The following THOP1 variants were observed in gnomAD, a reference collection of about 807,000 sequenced individuals.
THOP1 encodes the protein thimet oligopeptidase.
In THOP1, 49 loss-of-function variants were observed where a neutral mutation model predicts 71.8. The observed-to-expected ratio is 0.68, with a 90% CI of 0.54 to 0.87. The LOEUF (loss-of-function observed/expected upper bound fraction) is 0.87, where lower values mean the gene tolerates loss of function less well. THOP1 is among the 40% of genes least tolerant of loss of function. The probability of loss-of-function intolerance (pLI) is 0.00; values close to 1 mark genes in which losing one functional copy is unlikely to be tolerated. For synonymous variants in THOP1, 426 were observed against 421.5 expected (o/e 1.01, Z -0.13); for missense variants, 843 against 975.6 (o/e 0.86, Z 1.81).
Position 2,805,051 on chromosome 19 carries a change from A to G in THOP1, c.625A>G (p.Lys209Glu). ...LPEDFLNSLE[K>E]MEDGKLKVTL... Reference sequence around the variant, plus strand: ...CGAGGACTTTCTGAACTCCCTGGAGAAGATGGAGGACGGCAAGTTGAAGGT... The same window carrying G: ...CGAGGACTTTCTGAACTCCCTGGAGGAGATGGAGGACGGCAAGTTGAAGGT... The change falls in exon 6 of 13, where the codon AAG (lysine) becomes GAG (glutamate). Residue 209 changes from lysine (K) to glutamate (E), a missense_variant. Lys to Glu is a moderately conservative substitution (Grantham distance 56). Transcript: ENST00000307741. The surrounding 1 kb of genome is among the most constrained non-coding windows in gnomAD (Gnocchi z 6.6). 5 of 1,612,642 alleles carry G rather than the reference A, an allele frequency of 3.1e-6. No homozygotes were observed. Among genetic ancestry groups the G allele is most frequent in the African/African-American group, 1.3e-5 (1 of 74,984 alleles).
chr19:2,812,697 C>T (rs2144787468), intron 12 of THOP1, among the ~76,000 whole-genome samples: 1 of 152,314 alleles, frequency 6.6e-6, no homozygotes, highest in South Asian at 2.1e-4. Flanking sequence ...ACCGGCGCCT[C>T]GCAGTCTCAT....
rs768504903 is a variant in THOP1, at chr19:2,790,448, C to T, written c.44C>T (p.Ala15Val). The stretch of plus-strand genomic sequence containing the variant: ...TGTGCAGGAGACATGGCGGACGCAG[C>T]ATCTCCGTGCTCTGTGGTAAACGAC... The part of the protein sequence containing the change: ...AACAGDMADA[A>V]SPCSVVNDLR... The change falls in exon 2 of 13, where the codon GCA (alanine) becomes GTA (valine). Residue 15 changes from alanine (A) to valine (V), a missense_variant. Ala to Val is a moderately conservative substitution (Grantham distance 64, BLOSUM62 0). Transcript: ENST00000307741. 4.4e-6 allele frequency: 7 copies of T among 1,577,268 alleles called. No individual in the cohort carries two copies. The highest frequency in any genetic ancestry group is 5.2e-6 in the Non-Finnish European group (6 of 1,161,590).
intron 1 of THOP1, among the ~76,000 whole-genome samples, chr19:2,786,678 C>T (rs1037064852): frequency 6.6e-6 from 1 of 151,910 alleles, no homozygotes; most frequent in African/African-American, 2.4e-5. Flanking sequence ...ACAGGCTCAC[C>T]GCAACCTCCG....
chr19:2,800,835 C>T (rs1474635986), intron 5 of THOP1, among the ~76,000 whole-genome samples: 2 of 151,924 alleles, frequency 1.3e-5, no homozygotes, highest in Non-Finnish European at 2.9e-5. Flanking sequence ...CGCAGCCACC[C>T]ACGCCATCCC....
chr19:2,800,278 C>T (rs1024639602), intron 5 of THOP1, among the ~76,000 whole-genome samples: 51 of 152,322 alleles, frequency 3.3e-4, no homozygotes, highest in African/African-American at 1.2e-3. Flanking sequence ...CTCCGTCCCC[C>T]GGGTTCAAGT....
At chr19:2,792,135 C>A (rs1196052010) in intron 2 of THOP1, among the ~76,000 whole-genome samples, 1 of 152,232 alleles carries the variant, frequency 6.6e-6, no homozygotes, top group Non-Finnish European at 1.5e-5. Context: ...CTTGTCTAAT[C>A]GGTCGCCCGT....
At chr19:2,812,374 T>A (rs1450309057) in intron 12 of THOP1, 3 of 1,511,606 alleles carry the variant, frequency 2.0e-6, no homozygotes, top group Non-Finnish European at 2.6e-6. Flanking sequence ...AGCCTGCAGG[T>A]ACCTCGGAGC....
chr19:2,794,243 G>C (rs1915955841), intron 2 of THOP1, among the ~76,000 whole-genome samples: 1 of 152,108 alleles, frequency 6.6e-6, no homozygotes, highest in East Asian at 1.9e-4. Context: ...TCGGACTCCT[G>C]ACCTCAAGTG....
chr19:2,806,953 C>G lies in THOP1; in HGVS notation c.787C>G (p.Arg263Gly). The G allele has an allele frequency of 6.2e-7, 1 of 1,613,044 alleles. No homozygotes were observed. The highest frequency in any genetic ancestry group is 8.5e-7 in the Non-Finnish European group (1 of 1,179,798). Residue 263 changes from arginine (R) to glycine (G), a missense_variant, in exon 7 of 13, where the codon CGG becomes GGG. Transcript: ENST00000307741. ...CAILKELVTL[R>G]AQKSRLLGFH... ...TATCCTCAAGGAGCTGGTGACGCTG[C>G]GGGCCCAGAAGTCCCGCCTGCTGGG...
rs1005720195 is a variant in THOP1, at chr19:2,804,294, G to A, written c.590-722G>A. Among the ~76,000 whole-genome samples, 1 of 152,208 alleles carries A rather than the reference G, an allele frequency of 6.6e-6. No homozygotes were observed. The highest frequency in any genetic ancestry group is 1.5e-5 in the Non-Finnish European group (1 of 68,032). ...GGTGGGAGGGTGTGGCTGCCGGGCAGCGGGGTGAACTGTGTCCTGCCAGGG... is the reference window on the plus strand; with the variant it reads ...GGTGGGAGGGTGTGGCTGCCGGGCAACGGGGTGAACTGTGTCCTGCCAGGG... On this transcript the variant is annotated intron_variant, in intron 5 of 12. Transcript: ENST00000307741. The surrounding 1 kb of genome is among the most constrained non-coding windows in gnomAD (Gnocchi z 4.7).
At position 2,812,758 on chromosome 19, in the gene THOP1, G is replaced by A. The variant is rs1168070593; in HGVS notation, c.1909-357G>A. Among the ~76,000 whole-genome samples, 6 of 152,332 alleles carry A rather than the reference G, an allele frequency of 3.9e-5. No homozygotes were observed. The East Asian group carries it at 1.2e-3, about 29-fold the overall frequency. On this transcript the variant is annotated intron_variant, in intron 12 of 12. Coordinates refer to ENST00000307741, the MANE Select transcript of THOP1 (RefSeq NM_003249.5). Reference sequence around the variant, plus strand: ...AGTCACAGGGCTGGGCTCAAACCTGGGCCTTTAGGGCGGCCCAGAGCGCGA... The same window carrying A: ...AGTCACAGGGCTGGGCTCAAACCTGAGCCTTTAGGGCGGCCCAGAGCGCGA...
At chr19:2,799,064 G>A (rs961001321) in intron 4 of THOP1, among the ~76,000 whole-genome samples, 1 of 152,216 alleles carries the variant, frequency 6.6e-6, no homozygotes, top group Non-Finnish European at 1.5e-5. Context: ...GGTGACTCAT[G>A]CCTGTAATCC....
chr19:2,790,665 G>T (rs984568363), intron 2 of THOP1, 32 bp downstream of exon 2: 1 of 1,489,378 alleles, frequency 6.7e-7, no homozygotes, highest in African/African-American at 1.4e-5. Flanking sequence ...TGCGTGGGCC[G>T]CAGGTGCCGA....
In THOP1 at chr19:2,813,596, A is replaced by C; in HGVS notation, c.*320A>C. ...TGAGGTCATTAAAAGGAAACAGAAA[A>C]AGAGAGAGGCTCCCTGGCCTGGTCA... On this transcript the variant is annotated 3_prime_UTR_variant, in exon 13 of 13. Coordinates refer to ENST00000307741, the MANE Select transcript of THOP1 (RefSeq NM_003249.5). 1.0e-5 allele frequency: 3 copies of C among 299,328 alleles called. No homozygotes were observed. Among genetic ancestry groups the C allele is most frequent in the Non-Finnish European group, 6.2e-6 (1 of 160,040 alleles). 18.5% of individuals were successfully genotyped at this position (299,328 alleles called of 1,614,324 possible). A position where few individuals can be genotyped will look rare whatever the true frequency, so the allele number is the denominator to read the frequency against.
At chr19:2,786,637 G>T (rs1326689320) in intron 1 of THOP1, among the ~76,000 whole-genome samples, 1 of 152,062 alleles carries the variant, frequency 6.6e-6, no homozygotes, top group Non-Finnish European at 1.5e-5. Flanking sequence ...TGTCTCCCAG[G>T]CTGGGGTGTA....
intron 2 of THOP1, 30 bp from the exon 3 acceptor site, chr19:2,794,734 C>T (rs752360699): frequency 1.5e-5 from 24 of 1,596,670 alleles, no homozygotes; most frequent in Admixed American, 5.0e-5. Flanking sequence ...CCTGTTCTCA[C>T]ACCTGTCTCC....
chr19:2,785,523 G>C lies in THOP1; in HGVS notation c.-140G>C. ...GCCCCAGCATGCCCCGGGAGCGCGG[G>C]CGGCGGGCCCCTTGGTCCTCAGGCG... On this transcript the variant is annotated 5_prime_UTR_variant, in exon 1 of 13. Transcript: ENST00000307741. The C allele has an allele frequency of 1.1e-6, 1 of 940,948 alleles. No homozygotes were observed. Among genetic ancestry groups the C allele is most frequent in the East Asian group, 3.4e-5 (1 of 29,820 alleles). 58.3% of individuals were successfully genotyped at this position (940,948 alleles called of 1,614,324 possible).
At chr19:2,789,506 G>A (rs759493929) in intron 1 of THOP1, among the ~76,000 whole-genome samples, 6 of 152,188 alleles carry the variant, frequency 3.9e-5, no homozygotes, top group African/African-American at 7.2e-5. Context: ...ACGACCACAC[G>A]CCAGGCTGAC....
chr19:2,792,182 TTCAG>T (rs1375875068), intron 2 of THOP1, among the ~76,000 whole-genome samples: 1 of 152,212 alleles, frequency 6.6e-6, no homozygotes, highest in Non-Finnish European at 1.5e-5. Flanking sequence ...TCTTTCTGTC[TTCAG>T]CCCTAGCGTC....
Sources: allele counts gnomAD v4.1 joint callset (sites outside exome capture counted in the v4.1 genomes callset), GRCh38; gene constraint gnomAD v4.1.1; non-coding constraint Gnocchi (gnomAD v3.1); transcripts MANE v1.5; gene names NCBI Gene and HGNC (gene_info 2026-07-23, HGNC 2026-07-21).